Variants in GRIK4 observed in about 807,000 individuals in gnomAD.
GRIK4 encodes glutamate ionotropic receptor kainate type subunit 4.
GRIK4 carries 40 observed loss-of-function variants against 104.9 expected under a neutral mutation model. That is an observed-to-expected ratio of 0.38 (90% confidence interval 0.30 to 0.50). The LOEUF is 0.50. Among genes scored for constraint, GRIK4 ranks in the 20% least tolerant of loss-of-function variants. The probability of loss-of-function intolerance (pLI) is 0.93; values close to 1 mark genes in which losing one functional copy is unlikely to be tolerated. For missense variants in GRIK4, 1,047 were observed against 1,308.1 expected, an observed-to-expected ratio of 0.80 and a Z score of 3.08; for synonymous variants, 485 against 524.9, an observed-to-expected ratio of 0.92 and a Z score of 1.04.
chr11:120,635,028 G>C (rs1437143868), intron 1 of GRIK4, among the ~76,000 whole-genome samples: 1 of 152,156 alleles, frequency 6.6e-6, no homozygotes, highest in East Asian at 1.9e-4. Flanking sequence ...GAGCAGCTAT[G>C]GGGCTTGTTT....
chr11:120,956,567 G>C lies in GRIK4; in HGVS notation c.1701-213G>C, dbSNP rs1056656390. Reference sequence around the variant, plus strand: ...TTATTGGGGGTAAAAATGTCTCTTTGATTAAAAAAAAGTTTGAGAACCATC... The same window carrying C: ...TTATTGGGGGTAAAAATGTCTCTTTCATTAAAAAAAAGTTTGAGAACCATC... On this transcript the variant is annotated intron_variant, in intron 15 of 20. Coordinates refer to ENST00000527524, the MANE Select transcript of GRIK4 (RefSeq NM_014619.5). The surrounding 1 kb of genome is among the most constrained non-coding windows in gnomAD (Gnocchi z 4.6). Among the ~76,000 whole-genome samples the C allele has an allele frequency of 4.6e-5, 7 of 151,536 alleles. No individual in the cohort carries two copies. The highest frequency in any genetic ancestry group is 3.9e-4 in the Admixed American group (6 of 15,238).
intron 1 of GRIK4, among the ~76,000 whole-genome samples, chr11:120,613,125 G>A (rs74578137): frequency 0.025 from 3,835 of 152,260 alleles, 53 homozygotes; most frequent in Middle Eastern, 0.048. Flanking sequence ...TCCATGTGTC[G>A]TTGTGACTCA....
At chr11:120,881,449 G>A (rs1318301620) in intron 11 of GRIK4, among the ~76,000 whole-genome samples, 1 of 152,198 alleles carries the variant, frequency 6.6e-6, no homozygotes, top group Non-Finnish European at 1.5e-5. Flanking sequence ...GCAATGAGGA[G>A]AGGGCCAGTA....
At chr11:120,591,306 C>T (rs1163676879) in intron 1 of GRIK4, among the ~76,000 whole-genome samples, 1 of 151,826 alleles carries the variant, frequency 6.6e-6, no homozygotes, top group Non-Finnish European at 1.5e-5. Flanking sequence ...TGGTGGATGC[C>T]CCTTGACCCT....
At chr11:120,638,724 G>C (rs113123399) in intron 1 of GRIK4, among the ~76,000 whole-genome samples, 1 of 151,830 alleles carries the variant, frequency 6.6e-6, no homozygotes, top group Non-Finnish European at 1.5e-5. Context: ...TGATCCGCCC[G>C]TCTCGGCCTC....
chr11:120,861,788 G>A (rs1206183075), intron 8 of GRIK4, among the ~76,000 whole-genome samples, 171 bp from the exon 9 acceptor site: 2 of 152,046 alleles, frequency 1.3e-5, no homozygotes, highest in African/African-American at 4.8e-5. Flanking sequence ...CACCATCACA[G>A]TGTTAACTCC....
intron 4 of GRIK4, among the ~76,000 whole-genome samples, chr11:120,805,543 G>T (rs1952694390): frequency 6.6e-6 from 1 of 152,170 alleles, no homozygotes; most frequent in Non-Finnish European, 1.5e-5. Flanking sequence ...TAGGCACCAG[G>T]TATTTTCTTA....
intron 3 of GRIK4, among the ~76,000 whole-genome samples, chr11:120,683,246 G>A (rs949316672): frequency 6.6e-6 from 1 of 152,186 alleles, no homozygotes; most frequent in Non-Finnish European, 1.5e-5. Context: ...GGTAACAATG[G>A]AGATGGTGAG....
chr11:120,519,028 G>T (rs751985752), intron 1 of GRIK4, among the ~76,000 whole-genome samples: 1 of 152,124 alleles, frequency 6.6e-6, no homozygotes, highest in Admixed American at 6.5e-5. Flanking sequence ...AAACAAAATC[G>T]GTCTAGAACT....
intron 7 of GRIK4, 143 bp from the exon 8 acceptor site, chr11:120,836,648 A>G (rs1953581689): frequency 1.5e-6 from 1 of 681,354 alleles, no homozygotes; most frequent in Non-Finnish European, 2.7e-6. Flanking sequence ...AGGGCAACAT[A>G]AGAACTAATC....
intron 8 of GRIK4, among the ~76,000 whole-genome samples, chr11:120,847,491 G>A (rs932162651): frequency 2.9e-4 from 44 of 152,232 alleles, no homozygotes; most frequent in Non-Finnish European, 7.3e-5. Flanking sequence ...CCTGGAATAG[G>A]CCAATCCAAA....
At chr11:120,534,816 G>A (rs2136083593) in intron 1 of GRIK4, among the ~76,000 whole-genome samples, 1 of 152,256 alleles carries the variant, frequency 6.6e-6, no homozygotes, top group East Asian at 1.9e-4. Flanking sequence ...GAAAACCCCT[G>A]GGAGCAGAGG....
intron 3 of GRIK4, among the ~76,000 whole-genome samples, chr11:120,739,438 G>A (rs558815751): frequency 6.6e-6 from 1 of 152,116 alleles, no homozygotes; most frequent in Non-Finnish European, 1.5e-5. Flanking sequence ...GCCTCTTCCA[G>A]GCCTTGCTTC....
At chr11:120,674,412 C>T (rs1413002929) in intron 3 of GRIK4, among the ~76,000 whole-genome samples, 1 of 152,182 alleles carries the variant, frequency 6.6e-6, no homozygotes, top group Non-Finnish European at 1.5e-5. Context: ...TAAAACACAT[C>T]CCCCTGCCCT....
chr11:120,740,703 T>G (rs145050209), intron 3 of GRIK4, among the ~76,000 whole-genome samples: 17 of 152,308 alleles, frequency 1.1e-4, no homozygotes, highest in African/African-American at 3.8e-4. Flanking sequence ...GAGTGACTAG[T>G]GAGGAATGGG....
intron 13 of GRIK4, among the ~76,000 whole-genome samples, chr11:120,906,158 A>C (rs1942862567): frequency 6.6e-6 from 1 of 152,228 alleles, no homozygotes. Flanking sequence ...AAGTTCTTCC[A>C]GGGGGAAATC....
chr11:120,660,781 A>G (rs905816461), intron 3 of GRIK4, among the ~76,000 whole-genome samples: 1 of 152,120 alleles, frequency 6.6e-6, no homozygotes, highest in Non-Finnish European at 1.5e-5. Flanking sequence ...CAGTCCAAGA[A>G]GGCTTCCTGG....
intron 14 of GRIK4, among the ~76,000 whole-genome samples, chr11:120,944,857 C>T (rs1428447161): frequency 1.3e-5 from 2 of 152,154 alleles, no homozygotes; most frequent in African/African-American, 2.4e-5. Flanking sequence ...AATGTGTTGT[C>T]GTGCAAAATT....
At chr11:120,756,796 G>T (rs1416503848) in intron 3 of GRIK4, among the ~76,000 whole-genome samples, 1 of 152,154 alleles carries the variant, frequency 6.6e-6, no homozygotes, top group Non-Finnish European at 1.5e-5. Context: ...CCTGAGGCTG[G>T]GACACAGGTG....
Sources: gnomAD v4.1 joint callset for allele counts (sites outside exome capture counted in the v4.1 genomes callset) on GRCh38, gnomAD v4.1.1 for gene constraint, Gnocchi (gnomAD v3.1) non-coding constraint, MANE v1.5 for transcripts, NCBI Gene and HGNC (gene_info 2026-07-23, HGNC 2026-07-21) for gene names.